AGAP1: variants seen among roughly 807,000 people sequenced by gnomAD.
AGAP1 encodes the protein ArfGAP with GTPase domain, ankyrin repeat and PH domain 1, also known as arf-GAP with GTPase, ANK repeat and PH domain-containing protein 1.
AGAP1 carries 29 observed loss-of-function variants against 105.3 expected under a neutral mutation model. That is an observed-to-expected ratio of 0.28 (90% CI 0.21 to 0.38). The LOEUF is 0.38. Ranked by LOEUF, AGAP1 falls within the 10% of genes least tolerant of loss-of-function variation. The probability of loss-of-function intolerance (pLI) is 1.00; values close to 1 mark genes in which losing one functional copy is unlikely to be tolerated. For missense variants in AGAP1, 998 were observed against 1,165.1 expected, an observed-to-expected ratio of 0.86 and a Z score of 2.09; for synonymous variants, 509 against 485.9, an observed-to-expected ratio of 1.05 and a Z score of -0.63.
At chr2:235,567,919 T>A (rs1158487931) in intron 1 of AGAP1, among the ~76,000 whole-genome samples, 1 of 152,120 alleles carries the variant, frequency 6.6e-6, no homozygotes, top group Admixed American at 6.5e-5. Context: ...GGCTGTGCAC[T>A]AGAGGATGCA....
rs1389445945 is a variant in AGAP1, at chr2:235,971,044, G to A, written c.1645+2421G>A. On this transcript the variant is annotated intron_variant, in intron 13 of 17. Coordinates refer to ENST00000304032, the MANE Select transcript of AGAP1 (RefSeq NM_001037131.3). The surrounding 1 kb of genome is among the most constrained non-coding windows in gnomAD (Gnocchi z 4.8). ...GTGTCTCAAACATGGATGTGTAAGC[G>A]GGTGACGTGTGTTTGGAAGTCCAAG... Among the ~76,000 whole-genome samples, 1 of 152,192 alleles carries A rather than the reference G, an allele frequency of 6.6e-6. No homozygotes were observed. Among genetic ancestry groups the A allele is most frequent in the Non-Finnish European group, 1.5e-5 (1 of 68,034 alleles).
Position 235,934,846 on chromosome 2 carries a change from T to C in AGAP1, c.1483+3923T>C, listed in dbSNP as rs1255306740. On this transcript the variant is annotated intron_variant, in intron 12 of 17. Transcript: ENST00000304032. This position sits in a 1 kb window ranked among gnomAD's most constrained non-coding sequence, Gnocchi z 4.9. The stretch of plus-strand genomic sequence containing the variant: ...CCTTCCCATTGTTGTGCACTCTTAC[T>C]CTAAAACATAATAATCACGGCAACA... Among the ~76,000 whole-genome samples the C allele has an allele frequency of 6.6e-6, 1 of 152,032 alleles. No individual in the cohort carries two copies.
intron 12 of AGAP1, among the ~76,000 whole-genome samples, chr2:235,943,468 G>A (rs1361240003): frequency 1.3e-5 from 2 of 149,128 alleles, no homozygotes; most frequent in African/African-American, 5.0e-5. Context: ...TCCTGCCTCA[G>A]CCTCCCTAGT....
chr2:235,604,621 T>C (rs1171608931), intron 1 of AGAP1, among the ~76,000 whole-genome samples: 2 of 128,982 alleles, frequency 1.6e-5, no homozygotes, highest in African/African-American at 3.1e-5. Context: ...CTCGCTCTGT[T>C]GCCCAGGCTG....
chr2:235,564,909 G>T (rs569684350), intron 1 of AGAP1, among the ~76,000 whole-genome samples: 1 of 148,448 alleles, frequency 6.7e-6, no homozygotes, highest in Non-Finnish European at 1.5e-5. Context: ...CAGAGCCAAG[G>T]TATGAGCCTG....
chr2:236,055,282 C>G lies in AGAP1; in HGVS notation c.2114+6001C>G, dbSNP rs1483980716. On this transcript the variant is annotated intron_variant, in intron 16 of 17. Coordinates refer to ENST00000304032, the MANE Select transcript of AGAP1 (RefSeq NM_001037131.3). This position sits in a 1 kb window ranked among gnomAD's most constrained non-coding sequence, Gnocchi z 6.2. Reference sequence around the variant, plus strand: ...AAGGACAGTTTAACTTTCTTCTTCGCCGTGCAGACCCCCCTACATGTACAC... The same window carrying G: ...AAGGACAGTTTAACTTTCTTCTTCGGCGTGCAGACCCCCCTACATGTACAC... Among the ~76,000 whole-genome samples the G allele has an allele frequency of 1.3e-5, 2 of 152,164 alleles. No homozygotes were observed. Among genetic ancestry groups the G allele is most frequent in the African/African-American group, 4.8e-5 (2 of 41,440 alleles).
In AGAP1 at chr2:236,042,016, G is replaced by T. The variant is rs890981296; in HGVS notation, c.1891+1175G>T. Among the ~76,000 whole-genome samples the T allele has an allele frequency of 6.6e-6, 1 of 152,228 alleles. No homozygotes were observed. Among genetic ancestry groups the T allele is most frequent in the Non-Finnish European group, 1.5e-5 (1 of 68,040 alleles). ...TGCTTTTTGGGCTGGAAAACCAGTA[G>T]AAGCTAGTTGGAGTGTGAGTGCCAA... On this transcript the variant is annotated intron_variant, in intron 15 of 17. Coordinates refer to ENST00000304032, the MANE Select transcript of AGAP1 (RefSeq NM_001037131.3). This position sits in a 1 kb window ranked among gnomAD's most constrained non-coding sequence, Gnocchi z 5.6.
At chr2:235,878,901 G>A (rs1192131439) in intron 9 of AGAP1, among the ~76,000 whole-genome samples, 1 of 152,206 alleles carries the variant, frequency 6.6e-6, no homozygotes, top group East Asian at 1.9e-4. Flanking sequence ...CTGCCAGAGG[G>A]ATCCTGAGCA....
Position 235,750,425 on chromosome 2 carries a change from C to T in AGAP1, c.610C>T (p.Arg204Trp), listed in dbSNP as rs972855842. The T allele has an allele frequency of 3.7e-6, 6 of 1,614,146 alleles. No individual in the cohort carries two copies. Among genetic ancestry groups the T allele is most frequent in the East Asian group, 2.2e-5 (1 of 44,878 alleles). Residue 204 changes from arginine (R) to tryptophan (W), a missense_variant, in exon 6 of 18, where the codon CGG (arginine) becomes TGG (tryptophan). Physicochemically the swap from Arg to Trp is moderately radical, Grantham distance 101. Around this residue, in one of 3 missense-constraint regions of AGAP1, gnomAD observed 735 missense variants for 833.4 expected, o/e 0.88. Coordinates refer to ENST00000304032, the MANE Select transcript of AGAP1 (RefSeq NM_001037131.3). The surrounding 1 kb of genome is among the most constrained non-coding windows in gnomAD (Gnocchi z 5.3). ...GAGGAAGCTCTCCAACGACCTGAAACGGTGCACGTACTACGAGACGTGTGC... is the reference window on the plus strand; with the variant it reads ...GAGGAAGCTCTCCAACGACCTGAAATGGTGCACGTACTACGAGACGTGTGC... ...RARKLSNDLK[R>W]CTYYETCATY... is the part of the protein sequence containing the mutation.
chr2:235,633,188 T>A lies in AGAP1; in HGVS notation c.164-75991T>A, dbSNP rs2149291389. Among the ~76,000 whole-genome samples the A allele has an allele frequency of 6.6e-6, 1 of 152,282 alleles. No homozygotes were observed. The highest frequency in any genetic ancestry group is 1.5e-5 in the Non-Finnish European group (1 of 68,022). ...ATTATACATTTACTTGATCCTGGTT[T>A]TACGGCATGCGGGAGCCTACGGAAT... On this transcript the variant is annotated intron_variant, in intron 1 of 17. Coordinates refer to ENST00000304032, the MANE Select transcript of AGAP1 (RefSeq NM_001037131.3). The surrounding 1 kb of genome is among the most constrained non-coding windows in gnomAD (Gnocchi z 4.8).
chr2:235,828,478 A>C (rs927426655), intron 9 of AGAP1, among the ~76,000 whole-genome samples: 1 of 152,214 alleles, frequency 6.6e-6, no homozygotes, highest in African/African-American at 2.4e-5. Context: ...GGAGTGGTAA[A>C]CTAACACTTA....
In AGAP1 at chr2:235,867,467, G is replaced by A. The variant is rs182242929; in HGVS notation, c.1051-15878G>A. On this transcript the variant is annotated intron_variant, in intron 9 of 17. Coordinates refer to ENST00000304032, the MANE Select transcript of AGAP1 (RefSeq NM_001037131.3). This position sits in a 1 kb window ranked among gnomAD's most constrained non-coding sequence, Gnocchi z 5.4. Reference sequence around the variant, plus strand: ...TAATAGTCTGGATGAGGGTGCACAGGCTGTGAGAGTTCCTGTTAGGCGGGA... The same window carrying A: ...TAATAGTCTGGATGAGGGTGCACAGACTGTGAGAGTTCCTGTTAGGCGGGA... Among the ~76,000 whole-genome samples the A allele has an allele frequency of 3.9e-5, 6 of 151,992 alleles. No individual in the cohort carries two copies. In the East Asian group the frequency reaches 1.2e-3, roughly 30 times the overall value.
chr2:235,846,244 G>A (rs1336150211), intron 9 of AGAP1, among the ~76,000 whole-genome samples: 2 of 152,156 alleles, frequency 1.3e-5, no homozygotes, highest in Non-Finnish European at 2.9e-5. Flanking sequence ...TTACCCTGAG[G>A]TTTATAGACC....
chr2:235,891,787 G>A lies in AGAP1; in HGVS notation c.1155+8338G>A, dbSNP rs1315880327. 3.3e-5 allele frequency among the ~76,000 whole-genome samples: 5 copies of A among 152,094 alleles called. No individual in the cohort carries two copies. Among genetic ancestry groups the A allele is most frequent in the Admixed American group, 1.3e-4 (2 of 15,272 alleles). Reference sequence around the variant, plus strand: ...GCTCTCTGGGCTTCCTCAGGAGGTCGTTTGGCAGCTGTGAAACTCCTCCCC... The same window carrying A: ...GCTCTCTGGGCTTCCTCAGGAGGTCATTTGGCAGCTGTGAAACTCCTCCCC... On this transcript the variant is annotated intron_variant, in intron 10 of 17. Coordinates refer to ENST00000304032, the MANE Select transcript of AGAP1 (RefSeq NM_001037131.3). This position sits in a 1 kb window ranked among gnomAD's most constrained non-coding sequence, Gnocchi z 4.2.
chr2:235,661,314 G>C (rs975370172), intron 1 of AGAP1, among the ~76,000 whole-genome samples: 2 of 152,106 alleles, frequency 1.3e-5, no homozygotes, highest in South Asian at 4.1e-4. Context: ...GGACGTAATC[G>C]AGTGTTTTCC....
At chr2:235,704,521 C>CT (rs1007312988) in intron 1 of AGAP1, among the ~76,000 whole-genome samples, 2 of 152,206 alleles carry the variant, frequency 1.3e-5, no homozygotes, top group African/African-American at 4.8e-5. Context: ...TGGCGGGCGC[C>CT]TGTAGTCCCA....
rs79755966 is a variant in AGAP1 at position 235,746,083 on chromosome 2, G to A, written c.538+1244G>A. On this transcript the variant is annotated intron_variant, in intron 5 of 17. Transcript: ENST00000304032. ...AGAGGTTGCAGTGAGCTGAGATCACGCCATTGCACTCCAGCCTGGGTGACA... is the reference window on the plus strand; with the variant it reads ...AGAGGTTGCAGTGAGCTGAGATCACACCATTGCACTCCAGCCTGGGTGACA... 9.3e-4 allele frequency among the ~76,000 whole-genome samples: 141 copies of A among 152,134 alleles called. 1 individual carries two copies. The East Asian group carries it at 0.023, about 25-fold the overall frequency.
At chr2:236,017,440 A>G (rs1040995409) in intron 13 of AGAP1, among the ~76,000 whole-genome samples, 2 of 150,604 alleles carry the variant, frequency 1.3e-5, no homozygotes, top group Non-Finnish European at 2.9e-5. Flanking sequence ...TGTATCCTGA[A>G]CATTTTAACT....
chr2:235,753,717 AAAG>A lies in AGAP1; in HGVS notation c.673+3230_673+3232del, dbSNP rs1251842720. Among the ~76,000 whole-genome samples the A allele has an allele frequency of 1.3e-5, 2 of 152,166 alleles. No individual in the cohort carries two copies. The highest frequency in any genetic ancestry group is 4.1e-4 in the South Asian group (2 of 4,822). On this transcript the variant is annotated intron_variant, in intron 6 of 17. Transcript: ENST00000304032. This position sits in a 1 kb window ranked among gnomAD's most constrained non-coding sequence, Gnocchi z 4.5. ...CGAGACTCTGTCTCAAAAAAAAAAAAAAGTAGGATTTTATGGAATTTGAAAAGC... is the reference window on the plus strand; with the variant it reads ...CGAGACTCTGTCTCAAAAAAAAAAAATAGGATTTTATGGAATTTGAAAAGC...
Sources: allele counts gnomAD v4.1 joint callset (sites outside exome capture counted in the v4.1 genomes callset), GRCh38; gene constraint gnomAD v4.1.1; regional missense constraint gnomAD v4.1.1; non-coding constraint Gnocchi (gnomAD v3.1); transcripts MANE v1.5; gene names NCBI Gene and HGNC (gene_info 2026-07-23, HGNC 2026-07-21).